ZNF284: variants seen among roughly 807,000 people sequenced by gnomAD.
The protein encoded by ZNF284 is zinc finger protein 284.
ZNF284 carries 12 observed loss-of-function variants against 12.9 expected under a neutral mutation model. The ratio of observed to expected loss-of-function variants is 0.93; its 90% confidence interval spans 0.60 to 1.51. The LOEUF (loss-of-function observed/expected upper bound fraction) is 1.51, where lower values mean the gene tolerates loss of function less well. Among genes scored for constraint, ZNF284 ranks in the 40% most tolerant of loss-of-function variants. The pLI is 0.00. For missense variants in ZNF284, 667 were observed against 707.3 expected, an observed-to-expected ratio of 0.94 and a Z score of 0.65; for synonymous variants, 225 against 236.5, an observed-to-expected ratio of 0.95 and a Z score of 0.45.
chr19:44,073,000 G>A (rs1382708117), intron 1 of ZNF284, among the ~76,000 whole-genome samples: 7 of 152,246 alleles, frequency 4.6e-5, no homozygotes, highest in Non-Finnish European at 1.5e-5. Flanking sequence ...CCGACCAAGA[G>A]TGTAGGATGT....
chr19:44,074,446 T>C (rs1966998561), intron 1 of ZNF284, among the ~76,000 whole-genome samples: 1 of 152,156 alleles, frequency 6.6e-6, no homozygotes, highest in African/African-American at 2.4e-5. Flanking sequence ...GTGTTAGAAA[T>C]TCTCATATAC....
intron 1 of ZNF284, among the ~76,000 whole-genome samples, chr19:44,074,718 T>C (rs1967001860): frequency 6.6e-6 from 1 of 152,022 alleles, no homozygotes; most frequent in Non-Finnish European, 1.5e-5. Context: ...TCTGTAATTG[T>C]AGCACTTTGG....
In ZNF284 at chr19:44,088,495, G is replaced by A. The variant is rs967963283; in HGVS notation, c.*1235G>A. The stretch of plus-strand genomic sequence containing the variant: ...ATAGTACTATAATAAATATAGGAGT[G>A]CAGATAGGAGTTCAACACACTGATT... On this transcript the variant is annotated 3_prime_UTR_variant, in exon 5 of 5. Transcript: ENST00000421176. 1 of 152,176 alleles carries A rather than the reference G, an allele frequency of 6.6e-6. No homozygotes were observed. Among genetic ancestry groups the A allele is most frequent in the African/African-American group, 2.4e-5 (1 of 41,424 alleles). The allele number at this position is 152,176 out of a possible 1,614,324, so 9.4% of individuals were successfully genotyped here.
chr19:44,086,871 A>G lies in ZNF284; in HGVS notation c.1393A>G (p.Arg465Gly). 1 of 1,613,926 alleles carries G rather than the reference A, an allele frequency of 6.2e-7. No homozygotes were observed. Among genetic ancestry groups the G allele is most frequent in the Non-Finnish European group, 8.5e-7 (1 of 1,179,940 alleles). Residue 465 changes from arginine to glycine, a missense_variant, in exon 5 of 5, where the codon AGG becomes GGG. Coordinates refer to ENST00000421176, the MANE Select transcript of ZNF284 (RefSeq NM_001037813.4). ...TTGTAAGGAATGTGGAAAGAGCTTC[A>G]GGTGGGCCTCAGGTATTTTGAGACA... ...YNCKECGKSF[R>G]WASGILRHKR...
At position 44,087,341 on chromosome 19, in the gene ZNF284, A is replaced by G; in HGVS notation, c.*81A>G. On this transcript the variant is annotated 3_prime_UTR_variant, in exon 5 of 5. Coordinates refer to ENST00000421176, the MANE Select transcript of ZNF284 (RefSeq NM_001037813.4). The stretch of plus-strand genomic sequence containing the variant: ...ATGATCAAATCAGTGTTATTAGCAT[A>G]TCCATCACCTCCTTTATCATTTATT... The G allele has an allele frequency of 9.8e-7, 1 of 1,022,468 alleles. No homozygotes were observed. Among genetic ancestry groups the G allele is most frequent in the East Asian group, 2.7e-5 (1 of 37,048 alleles). 63.3% of individuals were successfully genotyped at this position (1,022,468 alleles called of 1,614,324 possible).
chr19:44,076,525 T>G (rs2147494790), intron 2 of ZNF284, 121 bp downstream of exon 2: 1 of 952,392 alleles, frequency 1.0e-6, no homozygotes, highest in Non-Finnish European at 1.6e-6. Context: ...ACCTGTTGTG[T>G]GCCAGATGCT....
rs140934205 is a variant in ZNF284 at position 44,083,683 on chromosome 19, A to C, written c.235+1578A>C. On this transcript the variant is annotated intron_variant, in intron 4 of 4. Transcript: ENST00000421176. ...ATGTGCAGGTTTGTTACCTGGGTATATTGTGTGATGCTGAGGTTTGCATTG... is the reference window on the plus strand; with the variant it reads ...ATGTGCAGGTTTGTTACCTGGGTATCTTGTGTGATGCTGAGGTTTGCATTG... Among the ~76,000 whole-genome samples, 858 of 151,748 alleles carry C rather than the reference A, an allele frequency of 5.7e-3. 6 individuals carry two copies. The highest frequency in any genetic ancestry group is 0.026 in the South Asian group (124 of 4,794).
Position 44,076,324 on chromosome 19 carries a change from A to G in ZNF284, c.-66A>G. ...TTGCCTTCCATGGCATGTTTCAGGC[A>G]CAATTCTGTCTTCTCTTGAACTGCA... On this transcript the variant is annotated splice_region_variant and 5_prime_UTR_variant, in exon 2 of 5. Transcript: ENST00000421176. 6.5e-7 allele frequency: 1 copy of G among 1,532,086 alleles called. No homozygotes were observed. The highest frequency in any genetic ancestry group is 8.9e-7 in the Non-Finnish European group (1 of 1,126,072). The allele number at this position is 1,532,086 out of a possible 1,614,324, so 94.9% of individuals were successfully genotyped here.
chr19:44,084,400 G>C (rs1780811115), intron 4 of ZNF284, among the ~76,000 whole-genome samples: 1 of 152,192 alleles, frequency 6.6e-6, no homozygotes, highest in Admixed American at 6.5e-5. Flanking sequence ...GGTGGGCAGT[G>C]CAAGGGACTC....
At position 44,082,122 on chromosome 19, in the gene ZNF284, G is replaced by A. The variant is rs963984316; in HGVS notation, c.235+17G>A. The A allele has an allele frequency of 3.1e-6, 5 of 1,594,992 alleles. No individual in the cohort carries two copies. Among genetic ancestry groups the A allele is most frequent in the African/African-American group, 1.3e-5 (1 of 74,438 alleles). On this transcript the variant is annotated intron_variant, in intron 4 of 4. Coordinates refer to ENST00000421176, the MANE Select transcript of ZNF284 (RefSeq NM_001037813.4). ...GGAATTCAGGTAAGAACCAAGCAAC[G>A]ATGCATCCTTGTACGTGACCCTTCC... is the stretch of plus-strand genomic sequence containing the variant.
At chr19:44,078,027 G>C (rs1001726582) in intron 2 of ZNF284, among the ~76,000 whole-genome samples, 5 of 152,144 alleles carry the variant, frequency 3.3e-5, no homozygotes, top group Non-Finnish European at 5.9e-5. Flanking sequence ...GGCTTATAGA[G>C]TGTTACCAGG....
intron 2 of ZNF284, among the ~76,000 whole-genome samples, chr19:44,078,350 C>G (rs1967066932): frequency 6.6e-6 from 1 of 151,878 alleles, no homozygotes; most frequent in Non-Finnish European, 1.5e-5. Flanking sequence ...GTAATATATC[C>G]CCTTGAAAGA....
chr19:44,086,254 A>G lies in ZNF284; in HGVS notation c.776A>G (p.His259Arg), dbSNP rs374136396. ...HCKLHTGEKP[H>R]ICEECGKAFI... ...AAATTACACACAGGAGAAAAACCTCATATTTGTGAGGAATGTGGGAAGGCC... is the reference window on the plus strand; with the variant it reads ...AAATTACACACAGGAGAAAAACCTCGTATTTGTGAGGAATGTGGGAAGGCC... Residue 259 changes from histidine (H) to arginine (R), a missense_variant, in exon 5 of 5, where the codon CAT becomes CGT. Transcript: ENST00000421176. 4 of 1,614,078 alleles carry G rather than the reference A, an allele frequency of 2.5e-6. No individual in the cohort carries two copies. The highest frequency in any genetic ancestry group is 1.3e-5 in the African/African-American group (1 of 74,928).
Position 44,086,329 on chromosome 19 carries a change from A to G in ZNF284, c.851A>G (p.Glu284Gly), listed in dbSNP as rs990686511. The G allele has an allele frequency of 6.2e-7, 1 of 1,614,218 alleles. No homozygotes were observed. Among genetic ancestry groups the G allele is most frequent in the African/African-American group, 1.3e-5 (1 of 75,062 alleles). The change falls in exon 5 of 5, where the codon GAG (glutamate) becomes GGG (glycine). Residue 284 changes from glutamate (E) to glycine (G), a missense_variant. Coordinates refer to ENST00000421176, the MANE Select transcript of ZNF284 (RefSeq NM_001037813.4). ...GAACATCAAAGAATCCATACTGGGGAGAAGCCATTCAAATGTTATATATGT... is the reference window on the plus strand; with the variant it reads ...GAACATCAAAGAATCCATACTGGGGGGAAGCCATTCAAATGTTATATATGT... ...LREHQRIHTG[E>G]KPFKCYICGK...
chr19:44,083,475 AGAGAGAGAGAGAGAGAGAGAGAGAGAGG>A (rs1306103104), intron 4 of ZNF284, among the ~76,000 whole-genome samples: 2,029 of 58,996 alleles, frequency 0.034, 241 homozygotes, highest in African/African-American at 0.11. Flanking sequence ...ATATATATAT[AGAGAGAGAGAGAGAGAGAGAGAGAGAGG>A]GAATGGAATA....
rs1384809807 is a variant in ZNF284, at chr19:44,083,493, AGAGAGAGAGGGAAT to A, written c.235+1390_235+1403del. Among the ~76,000 whole-genome samples, 11 of 96,358 alleles carry A rather than the reference AGAGAGAGAGGGAAT, an allele frequency of 1.1e-4. 1 individual carries two copies. Among genetic ancestry groups the A allele is most frequent in the Admixed American group, 2.8e-4 (3 of 10,652 alleles). 63.2% of individuals were successfully genotyped at this position (96,358 alleles called of 152,430 possible). On this transcript the variant is annotated intron_variant, in intron 4 of 4. Coordinates refer to ENST00000421176, the MANE Select transcript of ZNF284 (RefSeq NM_001037813.4). The stretch of plus-strand genomic sequence containing the variant: ...TATATATAGAGAGAGAGAGAGAGAG[AGAGAGAGAGGGAAT>A]GGAATACCATCCTATCTTTACCCTT...
In ZNF284 at chr19:44,086,405, C is replaced by T. The variant is rs7255701; in HGVS notation, c.927C>T (p.His309=). The part of the protein sequence containing the change: ...RSNLNRHSMV[H]MQEKSFRCDT... ...ATCTTAATAGGCATTCCATGGTCCA[C>T]ATGCAAGAGAAATCATTTAGATGTG... The change falls in exon 5 of 5, where the codon CAC becomes CAT. Residue 309 remains histidine, a synonymous_variant. Coordinates refer to ENST00000421176, the MANE Select transcript of ZNF284 (RefSeq NM_001037813.4). 999,224 of 1,613,826 alleles carry T rather than the reference C, an allele frequency of 0.62. 318,260 individuals are homozygous for T. Among genetic ancestry groups the T allele is most frequent in the Non-Finnish European group, 0.66 (781,129 of 1,179,928 alleles).
At position 44,085,798 on chromosome 19, in the gene ZNF284, C is replaced by T; in HGVS notation, c.320C>T (p.Thr107Ile). 6.2e-7 allele frequency: 1 copy of T among 1,614,204 alleles called. No individual in the cohort carries two copies. ...EWSCQQIWEQ[T>I]ASELTRPQDS... Reference sequence around the variant, plus strand: ...TCTTGCCAGCAAATCTGGGAACAAACTGCAAGTGAGTTAACTAGACCTCAA... The same window carrying T: ...TCTTGCCAGCAAATCTGGGAACAAATTGCAAGTGAGTTAACTAGACCTCAA... Residue 107 changes from threonine to isoleucine, a missense_variant, in exon 5 of 5, where the codon ACT becomes ATT. Physicochemically the swap from Thr to Ile is moderately conservative, Grantham distance 89. Transcript: ENST00000421176.
chr19:44,085,706 C>T lies in ZNF284; in HGVS notation c.236-8C>T, dbSNP rs1568523406. 1 of 1,602,936 alleles carries T rather than the reference C, an allele frequency of 6.2e-7. No homozygotes were observed. Among genetic ancestry groups the T allele is most frequent in the Non-Finnish European group, 8.5e-7 (1 of 1,174,284 alleles). On this transcript the variant is annotated splice_region_variant and splice_polypyrimidine_tract_variant and intron_variant, in intron 4 of 4. Coordinates refer to ENST00000421176, the MANE Select transcript of ZNF284 (RefSeq NM_001037813.4). Reference sequence around the variant, plus strand: ...TTACCCACATCTCTTAATTCTGTGTCCTTATAGGAGGCAAGATCCAAACTG... The same window carrying T: ...TTACCCACATCTCTTAATTCTGTGTTCTTATAGGAGGCAAGATCCAAACTG...
Sources: gnomAD v4.1 joint callset for allele counts (sites outside exome capture counted in the v4.1 genomes callset) on GRCh38, gnomAD v4.1.1 for gene constraint, MANE v1.5 for transcripts, NCBI Gene and HGNC (gene_info 2026-07-23, HGNC 2026-07-21) for gene names.